The following FHAD1 variants were observed in gnomAD, a reference collection of about 807,000 sequenced individuals.
FHAD1 encodes the protein forkhead associated phosphopeptide binding domain 1, also known as forkhead-associated domain-containing protein 1.
FHAD1 carries 146 observed loss-of-function variants against 191.3 expected under a neutral mutation model. The ratio of observed to expected loss-of-function variants is 0.76; its 90% confidence interval spans 0.67 to 0.88. FHAD1 has a LOEUF of 0.88. Ranked by LOEUF, FHAD1 falls within the 40% of genes least tolerant of loss-of-function variation. The pLI is 0.00. For missense variants in FHAD1, 1,635 were observed against 1,785.8 expected (o/e 0.92, Z 1.52); for synonymous variants, 616 against 672.3 (o/e 0.92, Z 1.29).
At chr1:15,310,374 G>C (rs974135382) in intron 7 of FHAD1, among the ~76,000 whole-genome samples, 1 of 152,176 alleles carries the variant, frequency 6.6e-6, no homozygotes, top group Non-Finnish European at 1.5e-5. Context: ...TTGGATACTT[G>C]TGAGCCCTAT....
rs1206989930 is a variant in FHAD1, at chr1:15,329,470, C to T, written c.1835C>T (p.Ala612Val). ...GTGGTGCTGGACGTCCTGAGGCACG[C>T]GCTGTCCTGGCTGGAGGAGGTGGAG... ...QKVVLDVLRH[A>V]LSWLEEVEQL... is the part of the protein sequence containing the mutation. The change falls in exon 14 of 34, where the codon GCG (alanine) becomes GTG (valine). Residue 612 changes from alanine (A) to valine (V), a missense_variant. Physicochemically the swap from Ala to Val is moderately conservative, Grantham distance 64 (BLOSUM62 0). Coordinates refer to ENST00000688493, the MANE Select transcript of FHAD1 (RefSeq NM_001391957.1). This position sits in a 1 kb window ranked among gnomAD's most constrained non-coding sequence, Gnocchi z 5.0. 4 of 1,551,266 alleles carry T rather than the reference C, an allele frequency of 2.6e-6. No homozygotes were observed. The highest frequency in any genetic ancestry group is 1.4e-5 in the African/African-American group (1 of 73,156).
chr1:15,366,689 T>G (rs1696587011), intron 24 of FHAD1, among the ~76,000 whole-genome samples: 2 of 152,282 alleles, frequency 1.3e-5, no homozygotes, highest in South Asian at 2.1e-4. Flanking sequence ...CAACACACCT[T>G]CTTCCTACGG....
chr1:15,313,172 A>T lies in FHAD1; in HGVS notation c.1155A>T (p.Glu385Asp), dbSNP rs753874975. ...SQNKDKDHQL[E>D]ALGSRCSVLK... ...ACAAGGACAAGGACCACCAGCTGGAAGCCCTTGGCTCTAGAGTGAGTAAGG... is the reference window on the plus strand; with the variant it reads ...ACAAGGACAAGGACCACCAGCTGGATGCCCTTGGCTCTAGAGTGAGTAAGG... Residue 385 changes from glutamate (E) to aspartate (D), a missense_variant, in exon 8 of 34, where the codon GAA becomes GAT. Glu to Asp is a conservative substitution (Grantham distance 45). Coordinates refer to ENST00000688493, the MANE Select transcript of FHAD1 (RefSeq NM_001391957.1). 1.3e-6 allele frequency: 2 copies of T among 1,551,988 alleles called. No homozygotes were observed. Among genetic ancestry groups the T allele is most frequent in the South Asian group, 2.4e-5 (2 of 84,062 alleles).
rs995260172 is a variant in FHAD1, at chr1:15,329,272, G to A, written c.1711-74G>A. ...GCTTCGTGGCAGAGTCAAGAACGCT[G>A]TTCCTCGAAGGTCACGTCAGGGGCT... On this transcript the variant is annotated intron_variant, in intron 13 of 33. Transcript: ENST00000688493. This position sits in a 1 kb window ranked among gnomAD's most constrained non-coding sequence, Gnocchi z 5.0. 2 of 1,274,192 alleles carry A rather than the reference G, an allele frequency of 1.6e-6. No homozygotes were observed. Among genetic ancestry groups the A allele is most frequent in the Admixed American group, 2.7e-5 (1 of 37,348 alleles). The allele number at this position is 1,274,192 out of a possible 1,614,324, so 78.9% of individuals were successfully genotyped here.
intron 17 of FHAD1, 71 bp downstream of exon 17, chr1:15,345,261 G>C (rs2102342740): frequency 7.1e-7 from 1 of 1,416,758 alleles, no homozygotes; most frequent in Admixed American, 2.0e-5. Context: ...TGGGGCTCTG[G>C]TCTGGGCCCG....
At chr1:15,346,287 AT>A (rs1020949541) in intron 18 of FHAD1, among the ~76,000 whole-genome samples, 3 of 152,122 alleles carry the variant, frequency 2.0e-5, no homozygotes, top group Non-Finnish European at 4.4e-5. Context: ...GCCCCGGAAT[AT>A]TTTACTTTGA....
chr1:15,350,041 G>A (rs12074744), intron 19 of FHAD1, among the ~76,000 whole-genome samples: 4,463 of 152,322 alleles, frequency 0.029, 195 homozygotes, highest in African/African-American at 0.096. Context: ...AGACACACAC[G>A]TGCCAGCCCC....
At chr1:15,341,026 A>G (rs892778847) in intron 15 of FHAD1, among the ~76,000 whole-genome samples, 1 of 152,084 alleles carries the variant, frequency 6.6e-6, no homozygotes, top group African/African-American at 2.4e-5. Context: ...TACTAAAAAT[A>G]CCAAAATTAG....
Position 15,289,733 on chromosome 1 carries a change from T to C in FHAD1, c.568+67T>C, listed in dbSNP as rs1663866220. ...CGGCCATGTGGATGGGTCTTGGTTT[T>C]GGTTTACTTTCTGATTCTAAAAGTA... On this transcript the variant is annotated intron_variant, in intron 4 of 33. Coordinates refer to ENST00000688493, the MANE Select transcript of FHAD1 (RefSeq NM_001391957.1). This position sits in a 1 kb window ranked among gnomAD's most constrained non-coding sequence, Gnocchi z 4.2. 4.8e-6 allele frequency: 7 copies of C among 1,468,940 alleles called. No individual in the cohort carries two copies. The South Asian group carries it at 8.2e-5, about 17-fold the overall frequency. 91.0% of individuals were successfully genotyped at this position (1,468,940 alleles called of 1,614,324 possible).
chr1:15,376,581 C>T (rs187945911), intron 28 of FHAD1, among the ~76,000 whole-genome samples: 219 of 152,280 alleles, frequency 1.4e-3, no homozygotes, highest in African/African-American at 4.9e-3. Context: ...CCGAGCTCTG[C>T]GAGCTGTGTG....
chr1:15,286,064 A>G (rs1471073121), intron 3 of FHAD1, among the ~76,000 whole-genome samples: 1 of 152,248 alleles, frequency 6.6e-6, no homozygotes, highest in South Asian at 2.1e-4. Flanking sequence ...AGGGAGAGTT[A>G]TTTAATGAGA....
chr1:15,264,094 ATTG>A (rs535206611), intron 2 of FHAD1, among the ~76,000 whole-genome samples: 119 of 152,194 alleles, frequency 7.8e-4, no homozygotes, highest in African/African-American at 2.8e-3. Context: ...CTTTTTCAAG[ATTG>A]TTTTGGCTCT....
At chr1:15,262,707 C>T (rs1185391392) in intron 2 of FHAD1, among the ~76,000 whole-genome samples, 1 of 152,220 alleles carries the variant, frequency 6.6e-6, no homozygotes. Flanking sequence ...TGTCCATGGA[C>T]ACCTGGGTTG....
At chr1:15,290,900 G>A (rs569258884) in intron 4 of FHAD1, among the ~76,000 whole-genome samples, 1 of 152,010 alleles carries the variant, frequency 6.6e-6, no homozygotes, top group African/African-American at 2.4e-5. Context: ...ATTTTTAGTA[G>A]AGATGGGGTT....
chr1:15,361,544 A>G (rs1694815597), intron 22 of FHAD1, among the ~76,000 whole-genome samples: 1 of 151,974 alleles, frequency 6.6e-6, no homozygotes, highest in African/African-American at 2.4e-5. Flanking sequence ...TTATGTTCCA[A>G]TCTCATGTAG....
chr1:15,341,135 T>C (rs762163697), intron 15 of FHAD1, among the ~76,000 whole-genome samples: 9 of 152,142 alleles, frequency 5.9e-5, no homozygotes, highest in South Asian at 2.1e-4. Context: ...GGAACCAAGA[T>C]TGTGCCCCTG....
chr1:15,323,339 A>C (rs1677014845), intron 10 of FHAD1, among the ~76,000 whole-genome samples: 1 of 152,182 alleles, frequency 6.6e-6, no homozygotes, highest in South Asian at 2.1e-4. Flanking sequence ...AGAGCCCAGG[A>C]CAGCCTCTGC....
intron 3 of FHAD1, among the ~76,000 whole-genome samples, chr1:15,287,402 T>C (rs979684859): frequency 1.3e-5 from 2 of 152,160 alleles, no homozygotes; most frequent in Non-Finnish European, 2.9e-5. Context: ...TCCCCAGGGC[T>C]GGGGAGGCCT....
At chr1:15,367,386 C>T in intron 24 of FHAD1, 77 bp from the exon 25 acceptor site, 1 of 1,484,500 alleles carries the variant, frequency 6.7e-7, no homozygotes, top group Non-Finnish European at 9.0e-7. Context: ...ATCCCACGTA[C>T]ACAAGAGGCT....
Sources: gnomAD v4.1 joint callset for allele counts (sites outside exome capture counted in the v4.1 genomes callset) on GRCh38, gnomAD v4.1.1 for gene constraint, Gnocchi (gnomAD v3.1) non-coding constraint, MANE v1.5 for transcripts, NCBI Gene and HGNC (gene_info 2026-07-23, HGNC 2026-07-21) for gene names.